The following PACRG variants were observed in gnomAD, a reference collection of about 807,000 sequenced individuals.
PACRG encodes the protein parkin coregulated.
PACRG carries 29 observed loss-of-function variants against 29.7 expected under a neutral mutation model. That is an observed-to-expected ratio of 0.98 (90% CI 0.73 to 1.33). The LOEUF (loss-of-function observed/expected upper bound fraction) is 1.33. PACRG is among the 40% of genes most tolerant of loss of function. The probability of loss-of-function intolerance (pLI) is 0.00; values close to 1 mark genes in which losing one functional copy is unlikely to be tolerated. For synonymous variants in PACRG, 116 were observed against 118.7 expected, an observed-to-expected ratio of 0.98 and a Z score of 0.15; for missense variants, 279 against 316.2, an observed-to-expected ratio of 0.88 and a Z score of 0.89.
chr6:163,277,107 A>G (rs1184560810), intron 4 of PACRG, among the ~76,000 whole-genome samples: 1 of 151,736 alleles, frequency 6.6e-6, no homozygotes, highest in African/African-American at 2.4e-5. Context: ...AATGTTTTAC[A>G]ATTTTTTTTA....
At chr6:163,157,404 G>A (rs372916918) in intron 4 of PACRG, among the ~76,000 whole-genome samples, 210 of 152,270 alleles carry the variant, frequency 1.4e-3, no homozygotes, top group African/African-American at 4.7e-3. Flanking sequence ...CCTTCTAGGT[G>A]CTTGCTGTCC....
intron 4 of PACRG, among the ~76,000 whole-genome samples, chr6:163,245,335 C>T (rs1454514287): frequency 6.6e-6 from 1 of 152,170 alleles, no homozygotes; most frequent in East Asian, 1.9e-4. Context: ...AAATTTTGTG[C>T]CTGAATTATA....
At chr6:163,054,398 C>T (rs556381517) in intron 2 of PACRG, among the ~76,000 whole-genome samples, 19 of 152,300 alleles carry the variant, frequency 1.2e-4, no homozygotes, top group Admixed American at 7.8e-4. Flanking sequence ...CTCGAATATG[C>T]TGACACCCTG....
chr6:163,100,336 G>A (rs548705), intron 4 of PACRG, among the ~76,000 whole-genome samples: 32,563 of 152,048 alleles, frequency 0.21, 3,855 homozygotes, highest in South Asian at 0.35. Context: ...TGCACTGATC[G>A]CCCGGCGTGC....
chr6:163,087,185 G>A (rs375198048), intron 3 of PACRG, among the ~76,000 whole-genome samples: 9 of 152,262 alleles, frequency 5.9e-5, no homozygotes, highest in African/African-American at 1.7e-4. Flanking sequence ...AATAAGAATG[G>A]ATACCTAGAG....
intron 2 of PACRG, among the ~76,000 whole-genome samples, chr6:162,929,613 C>T (rs146811703): frequency 4.6e-5 from 7 of 151,724 alleles, no homozygotes; most frequent in Admixed American, 2.6e-4. Context: ...TTGCTTTGAT[C>T]GTCTTTGCTT....
intron 1 of PACRG, among the ~76,000 whole-genome samples, chr6:162,729,875 TA>T (rs892270214): frequency 6.6e-5 from 10 of 151,966 alleles, no homozygotes; most frequent in African/African-American, 1.4e-4. Context: ...CTACATGACT[TA>T]AAAAAAACAT....
At chr6:163,095,881 A>G (rs1321967997) in intron 4 of PACRG, among the ~76,000 whole-genome samples, 1 of 152,158 alleles carries the variant, frequency 6.6e-6, no homozygotes, top group African/African-American at 2.4e-5. Flanking sequence ...GGGAGACACT[A>G]TTCAATCCAG....
At chr6:162,917,175 C>T (rs1796754529) in intron 2 of PACRG, among the ~76,000 whole-genome samples, 1 of 152,090 alleles carries the variant, frequency 6.6e-6, no homozygotes, top group African/African-American at 2.4e-5. Flanking sequence ...TTAGAGTCTT[C>T]TTTGGTAAAT....
chr6:163,249,142 A>ATTC (rs1277319351), intron 4 of PACRG, among the ~76,000 whole-genome samples: 1 of 152,112 alleles, frequency 6.6e-6, no homozygotes, highest in African/African-American at 2.4e-5. Flanking sequence ...AATGAGAAAC[A>ATTC]TGTTTTGATC....
At chr6:162,910,588 C>T (rs1192953865) in intron 2 of PACRG, among the ~76,000 whole-genome samples, 1 of 152,014 alleles carries the variant, frequency 6.6e-6, no homozygotes, top group Non-Finnish European at 1.5e-5. Flanking sequence ...TATATTAAAC[C>T]TTTCTATTTG....
At chr6:163,162,704 G>A (rs1051423966) in intron 4 of PACRG, among the ~76,000 whole-genome samples, 3 of 152,202 alleles carry the variant, frequency 2.0e-5, no homozygotes, top group Non-Finnish European at 2.9e-5. Flanking sequence ...CTTCCCAGGT[G>A]GTACATGCAG....
intron 1 of PACRG, among the ~76,000 whole-genome samples, chr6:162,731,358 G>C (rs979204230): frequency 2.0e-5 from 3 of 151,878 alleles, no homozygotes; most frequent in Non-Finnish European, 2.9e-5. Flanking sequence ...TGAAATGTTT[G>C]GGATAAAAAT....
At chr6:163,077,480 A>G (rs1038616353) in intron 3 of PACRG, among the ~76,000 whole-genome samples, 2 of 152,136 alleles carry the variant, frequency 1.3e-5, no homozygotes, top group African/African-American at 4.8e-5. Flanking sequence ...GTTAAGGAAA[A>G]CCTAGTGGGG....
At position 163,218,417 on chromosome 6, in the gene PACRG, G is replaced by T. The variant is rs183434933; in HGVS notation, c.614-96410G>T. On this transcript the variant is annotated intron_variant, in intron 4 of 4. Transcript: ENST00000366888. ...CTTTTTGCCCCCACATCCCCTTATG[G>T]GTATTGCCTCTTCTCTGCTTCTCTC... Among the ~76,000 whole-genome samples the T allele has an allele frequency of 2.6e-4, 39 of 152,144 alleles. 1 individual carries two copies.
At chr6:163,166,005 C>T in intron 4 of PACRG, 1 of 426,370 alleles carries the variant, frequency 2.3e-6, no homozygotes, top group South Asian at 1.6e-5. Context: ...TATTTGAAAT[C>T]TTCACTGGTT....
At chr6:162,974,919 T>C (rs1290032491) in intron 2 of PACRG, among the ~76,000 whole-genome samples, 2 of 152,176 alleles carry the variant, frequency 1.3e-5, no homozygotes, top group South Asian at 2.1e-4. Context: ...TCAGTAGCAA[T>C]GGCTCTTTTG....
intron 2 of PACRG, among the ~76,000 whole-genome samples, chr6:162,921,483 C>T (rs971891285): frequency 6.6e-6 from 1 of 152,150 alleles, no homozygotes; most frequent in Non-Finnish European, 1.5e-5. Context: ...TGTTTTGCTT[C>T]CTCTTCTTGA....
intron 1 of PACRG, among the ~76,000 whole-genome samples, chr6:162,803,767 G>A (rs1786079913): frequency 6.6e-6 from 1 of 152,070 alleles, no homozygotes; most frequent in African/African-American, 2.4e-5. Context: ...TTTGTTAAAT[G>A]TAGTAATCTA....
Sources: gnomAD v4.1 joint callset for allele counts (sites outside exome capture counted in the v4.1 genomes callset) on GRCh38, gnomAD v4.1.1 for gene constraint, MANE v1.5 for transcripts, NCBI Gene and HGNC (gene_info 2026-07-23, HGNC 2026-07-21) for gene names.